Variants in GRIN2A observed in about 807,000 individuals in gnomAD.
The protein encoded by GRIN2A is glutamate receptor ionotropic, NMDA 2A.
In GRIN2A, 22 loss-of-function variants were observed where a neutral mutation model predicts 113.4. The observed-to-expected ratio is 0.19, with a 90% CI of 0.14 to 0.28. GRIN2A has a LOEUF of 0.28. GRIN2A is among the 10% of genes least tolerant of loss of function. The pLI is 1.00. For missense variants in GRIN2A, 1,502 were observed against 1,887.0 expected, an observed-to-expected ratio of 0.80 and a Z score of 3.78; for synonymous variants, 827 against 738.4, an observed-to-expected ratio of 1.12 and a Z score of -1.94.
At chr16:9,825,160 C>A (rs993107560) in intron 9 of GRIN2A, among the ~76,000 whole-genome samples, 5 of 152,184 alleles carry the variant, frequency 3.3e-5, no homozygotes, top group African/African-American at 1.2e-4. Context: ...TGGCTTTGGA[C>A]TTACAGGAGA....
intron 3 of GRIN2A, 70 bp downstream of exon 3, chr16:9,937,889 T>G (rs1356630207): frequency 9.2e-7 from 1 of 1,082,568 alleles, no homozygotes; most frequent in Non-Finnish European, 1.4e-6. Flanking sequence ...ACAATGAGTA[T>G]GTAAGCAAGC....
intron 2 of GRIN2A, among the ~76,000 whole-genome samples, chr16:10,021,713 C>G (rs1384600795): frequency 6.6e-6 from 1 of 151,818 alleles, no homozygotes; most frequent in African/African-American, 2.4e-5. Flanking sequence ...TGCAAATGCC[C>G]CAAAGCAGGG....
chr16:10,027,056 ATT>A (rs2046835815), intron 2 of GRIN2A, among the ~76,000 whole-genome samples: 6 of 152,146 alleles, frequency 3.9e-5, no homozygotes, highest in Admixed American at 2.0e-4. Flanking sequence ...CAGCTGACAC[ATT>A]AAATATTTGT....
At chr16:9,818,996 T>C (rs1393288820) in intron 10 of GRIN2A, among the ~76,000 whole-genome samples, 1 of 152,162 alleles carries the variant, frequency 6.6e-6, no homozygotes, top group Admixed American at 6.6e-5. Context: ...AAATAAAATA[T>C]GGTATATTTG....
intron 4 of GRIN2A, among the ~76,000 whole-genome samples, chr16:9,854,043 C>T (rs1194742813): frequency 4.6e-5 from 7 of 152,162 alleles, no homozygotes; most frequent in Non-Finnish European, 7.4e-5. Context: ...ATTTTATATG[C>T]GTAATGATTG....
At chr16:10,025,570 G>T (rs1480298021) in intron 2 of GRIN2A, among the ~76,000 whole-genome samples, 3 of 152,030 alleles carry the variant, frequency 2.0e-5, no homozygotes, top group Non-Finnish European at 2.9e-5. Context: ...CCTAAGTGCT[G>T]GAATTATAGG....
chr16:10,144,265 C>T (rs2049386254), intron 2 of GRIN2A, among the ~76,000 whole-genome samples: 1 of 152,180 alleles, frequency 6.6e-6, no homozygotes, highest in African/African-American at 2.4e-5. Context: ...TTTACATTAG[C>T]ACCAACAGTG....
chr16:9,993,019 C>A (rs1174321983), intron 2 of GRIN2A, among the ~76,000 whole-genome samples: 1 of 151,738 alleles, frequency 6.6e-6, no homozygotes, highest in East Asian at 1.9e-4. Context: ...AGTTCAAGAC[C>A]AACCTGGCAA....
At chr16:10,125,395 G>T (rs541039824) in intron 2 of GRIN2A, among the ~76,000 whole-genome samples, 1 of 152,268 alleles carries the variant, frequency 6.6e-6, no homozygotes, top group East Asian at 1.9e-4. Flanking sequence ...CAAGTGGAAA[G>T]ACCCTTGTTA....
At chr16:10,151,060 G>A (rs2049557725) in intron 2 of GRIN2A, among the ~76,000 whole-genome samples, 1 of 152,174 alleles carries the variant, frequency 6.6e-6, no homozygotes, top group South Asian at 2.1e-4. Context: ...TGATGAAACA[G>A]GCATGTGTTA....
intron 2 of GRIN2A, among the ~76,000 whole-genome samples, chr16:10,093,686 C>G (rs1002979065): frequency 2.0e-5 from 3 of 152,084 alleles, no homozygotes; most frequent in Non-Finnish European, 2.9e-5. Context: ...TTCTTCATCT[C>G]TTACTGGAAA....
At chr16:9,856,047 GGGC>G (rs1361527995) in intron 4 of GRIN2A, among the ~76,000 whole-genome samples, 2 of 152,186 alleles carry the variant, frequency 1.3e-5, no homozygotes, top group Admixed American at 1.3e-4. Context: ...ACACTGATTA[GGGC>G]TTTACTATGT....
chr16:10,010,683 G>A (rs150029244), intron 2 of GRIN2A, among the ~76,000 whole-genome samples: 7 of 152,222 alleles, frequency 4.6e-5, no homozygotes, highest in African/African-American at 1.7e-4. Context: ...GTGATGACTA[G>A]GACTCAGCTC....
intron 4 of GRIN2A, among the ~76,000 whole-genome samples, chr16:9,884,870 C>A (rs911532196): frequency 1.3e-5 from 2 of 151,360 alleles, no homozygotes; most frequent in African/African-American, 4.9e-5. Context: ...CTGCCTCAGC[C>A]TTCAGAGTAG....
chr16:10,119,180 G>A (rs1448244), intron 2 of GRIN2A, among the ~76,000 whole-genome samples: 127,979 of 151,702 alleles, frequency 0.84, 54,737 homozygotes, highest in East Asian at 0.92. Context: ...CGAAGCTAAG[G>A]GAAAAAAAGC....
chr16:10,031,195 C>G (rs527505647), intron 2 of GRIN2A: 2 of 152,150 alleles, frequency 1.3e-5, no homozygotes, highest in Non-Finnish European at 2.9e-5. Context: ...TACAATCTGC[C>G]TCTTTTAATC....
intron 2 of GRIN2A, among the ~76,000 whole-genome samples, chr16:10,167,437 A>G (rs748180203): frequency 2.6e-5 from 4 of 152,230 alleles, no homozygotes; most frequent in Non-Finnish European, 4.4e-5. Context: ...TTAGGGACCA[A>G]TGGAAACAAT....
At chr16:9,907,302 T>A (rs910224032) in intron 3 of GRIN2A, among the ~76,000 whole-genome samples, 4 of 152,244 alleles carry the variant, frequency 2.6e-5, no homozygotes, top group African/African-American at 9.6e-5. Context: ...CAATGAATTA[T>A]AGAAACACAG....
chr16:9,850,042 A>T, intron 4 of GRIN2A, 81 bp from the exon 5 acceptor site: 1 of 1,211,876 alleles, frequency 8.3e-7, no homozygotes, highest in Non-Finnish European at 1.2e-6. Flanking sequence ...CCTGCCAGAG[A>T]CATCCATCCG....
Sources: allele counts gnomAD v4.1 joint callset (sites outside exome capture counted in the v4.1 genomes callset), GRCh38; gene constraint gnomAD v4.1.1; transcripts MANE v1.5; gene names NCBI Gene and HGNC (gene_info 2026-07-23, HGNC 2026-07-21).